Variants in ADAMTS6 observed in about 807,000 individuals in gnomAD.
The protein encoded by ADAMTS6 is A disintegrin and metalloproteinase with thrombospondin motifs 6.
ADAMTS6 carries 23 observed loss-of-function variants against 144.3 expected under a neutral mutation model. The ratio of observed to expected loss-of-function variants is 0.16; its 90% CI spans 0.11 to 0.23. The LOEUF (loss-of-function observed/expected upper bound fraction) is 0.23. Ranked by LOEUF, ADAMTS6 falls within the 10% of genes least tolerant of loss-of-function variation. The pLI is 1.00. For missense variants in ADAMTS6, 999 were observed against 1,379.6 expected, an observed-to-expected ratio of 0.72 and a Z score of 4.37; for synonymous variants, 444 against 457.5, an observed-to-expected ratio of 0.97 and a Z score of 0.38.
At chr5:65,183,859 A>G (rs1754511822) in intron 22 of ADAMTS6, among the ~76,000 whole-genome samples, 1 of 152,182 alleles carries the variant, frequency 6.6e-6, no homozygotes, top group Non-Finnish European at 1.5e-5. Flanking sequence ...TAATAATTAG[A>G]AATTGGGATA....
intron 9 of ADAMTS6, among the ~76,000 whole-genome samples, chr5:65,319,641 C>A (rs1745346763): frequency 7.4e-6 from 1 of 135,432 alleles, no homozygotes; most frequent in South Asian, 2.4e-4. Flanking sequence ...GGGGACAGAG[C>A]AAGACTGTCT....
intron 18 of ADAMTS6, among the ~76,000 whole-genome samples, chr5:65,219,616 C>T (rs1032035026): frequency 6.6e-6 from 1 of 152,050 alleles, no homozygotes; most frequent in African/African-American, 2.4e-5. Flanking sequence ...ACTATGTTGC[C>T]CAGGCTGATC....
At chr5:65,182,749 G>C (rs1754441950) in intron 22 of ADAMTS6, among the ~76,000 whole-genome samples, 1 of 152,064 alleles carries the variant, frequency 6.6e-6, no homozygotes, top group African/African-American at 2.4e-5. Flanking sequence ...CATTTACTTA[G>C]GCAAGAAATC....
chr5:65,467,245 G>C (rs952248210), intron 3 of ADAMTS6, among the ~76,000 whole-genome samples: 11 of 152,082 alleles, frequency 7.2e-5, no homozygotes, highest in Admixed American at 5.9e-4. Flanking sequence ...TCCAGAAAGA[G>C]AGTGCAGGGA....
chr5:65,424,835 T>C (rs1006641871), intron 7 of ADAMTS6, among the ~76,000 whole-genome samples: 2 of 152,238 alleles, frequency 1.3e-5, no homozygotes, highest in Non-Finnish European at 2.9e-5. Flanking sequence ...CCTTGATCAG[T>C]GGACTCTACA....
intron 18 of ADAMTS6, among the ~76,000 whole-genome samples, chr5:65,220,017 T>G (rs1210040498): frequency 6.6e-6 from 1 of 152,190 alleles, no homozygotes; most frequent in Non-Finnish European, 1.5e-5. Context: ...AAAGGATAGT[T>G]GTGTCCTTTA....
intron 22 of ADAMTS6, among the ~76,000 whole-genome samples, chr5:65,185,513 T>G (rs1295851037): frequency 6.6e-6 from 1 of 152,226 alleles, no homozygotes; most frequent in African/African-American, 2.4e-5. Context: ...TGGACAATGC[T>G]TTATCTGAGG....
At chr5:65,307,867 G>A (rs548179786) in intron 9 of ADAMTS6, among the ~76,000 whole-genome samples, 124 of 152,096 alleles carry the variant, frequency 8.2e-4, no homozygotes, top group Non-Finnish European at 1.6e-3. Flanking sequence ...CTGAGGTCCT[G>A]GCCAGTACTT....
intron 12 of ADAMTS6, among the ~76,000 whole-genome samples, chr5:65,265,782 G>A (rs1761573980): frequency 6.6e-6 from 1 of 151,872 alleles, no homozygotes; most frequent in South Asian, 2.1e-4. Flanking sequence ...AAGCACTTCA[G>A]TTTTTCAGAT....
intron 8 of ADAMTS6, among the ~76,000 whole-genome samples, chr5:65,329,795 T>G (rs1746539468): frequency 6.6e-6 from 1 of 152,144 alleles, no homozygotes; most frequent in Non-Finnish European, 1.5e-5. Context: ...AAGAAAGCAT[T>G]TCTATTTTAA....
rs1760361256 is a variant in ADAMTS6 at position 65,470,675 on chromosome 5, T to C, written c.462+103A>G. On this transcript the variant is annotated intron_variant, in intron 3 of 24. Coordinates refer to ENST00000381055, the MANE Select transcript of ADAMTS6 (RefSeq NM_197941.4). ...TAAACTATTACCTTCCTACTTAAAC[T>C]ACCTATATATATATATATTTTTTTT... The C allele has an allele frequency of 6.6e-6, 6 of 902,358 alleles. No individual in the cohort carries two copies. In the Admixed American group the frequency reaches 1.7e-4, roughly 26 times the overall value. 55.9% of individuals were successfully genotyped at this position (902,358 alleles called of 1,614,324 possible).
rs533377911 is a variant in ADAMTS6 at position 65,413,809 on chromosome 5, T to C, written c.1073+37666A>G. On this transcript the variant is annotated intron_variant, in intron 7 of 24. Transcript: ENST00000381055. ...CTCTACTGGTGTTTTAGACTAAACT[T>C]ACTCTGTCTCTAAACAATTATAATT... Among the ~76,000 whole-genome samples the C allele has an allele frequency of 7.9e-5, 12 of 152,276 alleles. No individual in the cohort carries two copies. In the South Asian group the frequency reaches 2.5e-3, roughly 32 times the overall value.
rs181651111 is a variant in ADAMTS6, at chr5:65,462,952, C to T, written c.463-2614G>A. Among the ~76,000 whole-genome samples the T allele has an allele frequency of 1.4e-3, 220 of 151,928 alleles. 1 individual carries two copies. Among genetic ancestry groups the T allele is most frequent in the African/African-American group, 5.1e-3 (213 of 41,458 alleles). On this transcript the variant is annotated intron_variant, in intron 3 of 24. Transcript: ENST00000381055. ...AAAATTAGCCAGGCATGGTGGCACA[C>T]GCCTGTAATCCCAGCTACTCGGGAG... is the stretch of plus-strand genomic sequence containing the variant.
intron 24 of ADAMTS6, among the ~76,000 whole-genome samples, chr5:65,156,935 A>T (rs1033254563): frequency 6.6e-6 from 1 of 152,194 alleles, no homozygotes; most frequent in African/African-American, 2.4e-5. Flanking sequence ...AAACCTAATT[A>T]TTCTCTCCTC....
chr5:65,359,706 T>G (rs916985444), intron 7 of ADAMTS6, among the ~76,000 whole-genome samples: 8 of 152,114 alleles, frequency 5.3e-5, no homozygotes, highest in African/African-American at 1.9e-4. Context: ...AATCCTGTGA[T>G]TTAAGACAAC....
chr5:65,449,558 T>A (rs1758574446), intron 7 of ADAMTS6, among the ~76,000 whole-genome samples: 1 of 151,822 alleles, frequency 6.6e-6, no homozygotes, highest in South Asian at 2.1e-4. Context: ...GAGGTGGAGG[T>A]TGCAGTGAGC....
Position 65,272,048 on chromosome 5 carries a change from A to G in ADAMTS6, c.1620+1292T>C, listed in dbSNP as rs184518947. Among the ~76,000 whole-genome samples the G allele has an allele frequency of 1.3e-4, 20 of 152,320 alleles. No individual in the cohort carries two copies. The East Asian group carries it at 2.7e-3, about 21-fold the overall frequency. ...AACTTAGCATGGAAAAGCCATCAAC[A>G]TGGCACTAGGTCATGGGTCCTGAAT... is the stretch of plus-strand genomic sequence containing the variant. On this transcript the variant is annotated intron_variant, in intron 12 of 24. Coordinates refer to ENST00000381055, the MANE Select transcript of ADAMTS6 (RefSeq NM_197941.4).
chr5:65,435,037 T>G (rs1757284481), intron 7 of ADAMTS6, among the ~76,000 whole-genome samples: 1 of 152,188 alleles, frequency 6.6e-6, no homozygotes, highest in Non-Finnish European at 1.5e-5. Flanking sequence ...AGCAACTAAA[T>G]AGACCTATGT....
intron 7 of ADAMTS6, among the ~76,000 whole-genome samples, chr5:65,427,115 A>G (rs1244822102): frequency 6.6e-6 from 1 of 152,166 alleles, no homozygotes; most frequent in Non-Finnish European, 1.5e-5. Flanking sequence ...AAAAAATACC[A>G]ACACTACCTA....
Sources: allele counts gnomAD v4.1 joint callset (sites outside exome capture counted in the v4.1 genomes callset), GRCh38; gene constraint gnomAD v4.1.1; transcripts MANE v1.5; gene names NCBI Gene and HGNC (gene_info 2026-07-23, HGNC 2026-07-21).